The following RIT2 variants were observed in gnomAD, a reference collection of about 807,000 sequenced individuals.
RIT2 encodes the protein Ras like without CAAX 2.
Under a neutral mutation model 23.7 loss-of-function variants are expected in RIT2, and 24 were observed. That is an observed-to-expected ratio of 1.01 (90% CI 0.73 to 1.43). The LOEUF (loss-of-function observed/expected upper bound fraction) is 1.43. Among genes scored for constraint, RIT2 ranks in the 40% most tolerant of loss-of-function variants. The pLI is 0.00. For missense variants in RIT2, 236 were observed against 266.9 expected (o/e 0.88, Z 0.81); for synonymous variants, 107 against 91.1 (o/e 1.17, Z -0.99).
At chr18:42,827,049 A>AAAAC (rs147729058) in intron 4 of RIT2, among the ~76,000 whole-genome samples, 1 of 152,106 alleles carries the variant, frequency 6.6e-6, no homozygotes, top group Non-Finnish European at 1.5e-5. Context: ...TTCAATTCTT[A>AAAAC]AAACAAACAA....
At chr18:42,828,984 C>CA (rs1906382245) in intron 4 of RIT2, among the ~76,000 whole-genome samples, 1 of 152,124 alleles carries the variant, frequency 6.6e-6, no homozygotes, top group Non-Finnish European at 1.5e-5. Context: ...AGTTTGTGCC[C>CA]TTTTCTGGCA....
chr18:43,034,435 C>T (rs1911929876), intron 1 of RIT2, among the ~76,000 whole-genome samples: 1 of 151,912 alleles, frequency 6.6e-6, no homozygotes, highest in Non-Finnish European at 1.5e-5. Flanking sequence ...TTCTGTAATT[C>T]TGTACCCTCC....
At position 42,858,539 on chromosome 18, in the gene RIT2, T is replaced by C. The variant is rs77980274; in HGVS notation, c.426+65033A>G. Among the ~76,000 whole-genome samples, 669 of 152,344 alleles carry C rather than the reference T, an allele frequency of 4.4e-3. 12 individuals are homozygous for C. The highest frequency in any genetic ancestry group is 0.041 in the East Asian group (211 of 5,180). On this transcript the variant is annotated intron_variant, in intron 4 of 4. Transcript: ENST00000326695. ...CCCCATTAGAATTTTTTATAAAAGA[T>C]GTATTGGAATGTAATTAACATACCA...
chr18:43,034,926 C>A lies in RIT2; in HGVS notation c.104-1059G>T, dbSNP rs375346063. 2.4e-4 allele frequency among the ~76,000 whole-genome samples: 37 copies of A among 152,284 alleles called. No individual in the cohort carries two copies. In the East Asian group the frequency reaches 4.1e-3, roughly 17 times the overall value. On this transcript the variant is annotated intron_variant, in intron 1 of 4. Transcript: ENST00000326695. The stretch of plus-strand genomic sequence containing the variant: ...CCTCTCACCTTCCTCCTCCTCTGTG[C>A]CTTGCCTATACATCTCTGCATGTCC...
intron 4 of RIT2, among the ~76,000 whole-genome samples, chr18:42,796,928 A>T (rs1215321970): frequency 6.6e-6 from 1 of 152,218 alleles, no homozygotes; most frequent in Non-Finnish European, 1.5e-5. Context: ...GAAGTAATTC[A>T]CTTGGTAAAA....
chr18:42,902,343 C>T (rs539657), intron 4 of RIT2, among the ~76,000 whole-genome samples: 142,299 of 151,434 alleles, frequency 0.94, 66,875 homozygotes, highest in East Asian at 1. Context: ...TATTGGTATG[C>T]TGTAAAACCC....
chr18:42,928,410 C>T (rs972593220), intron 3 of RIT2, among the ~76,000 whole-genome samples: 1 of 151,954 alleles, frequency 6.6e-6, no homozygotes, highest in Non-Finnish European at 1.5e-5. Flanking sequence ...GTACAGAGCT[C>T]CTCAACTTTC....
chr18:42,918,826 T>C (rs781534679), intron 4 of RIT2, among the ~76,000 whole-genome samples: 15 of 151,800 alleles, frequency 9.9e-5, no homozygotes, highest in East Asian at 1.9e-4. Context: ...CCTCTCTAGA[T>C]TGATCCTTTT....
intron 4 of RIT2, among the ~76,000 whole-genome samples, chr18:42,774,271 C>T (rs1303198579): frequency 1.3e-5 from 2 of 152,040 alleles, no homozygotes; most frequent in African/African-American, 4.8e-5. Context: ...CTTTGCTTTG[C>T]ATTGCTTTTT....
chr18:42,981,492 T>C (rs1410258381), intron 2 of RIT2, among the ~76,000 whole-genome samples: 2 of 152,100 alleles, frequency 1.3e-5, no homozygotes, highest in Non-Finnish European at 2.9e-5. Flanking sequence ...TGATTTATAC[T>C]AAGACTGCTA....
At chr18:43,094,123 G>GTTTTTTT (rs376144367) in intron 1 of RIT2, among the ~76,000 whole-genome samples, 5 of 116,048 alleles carry the variant, frequency 4.3e-5, no homozygotes, top group South Asian at 2.7e-4. Context: ...GGTTTTTTTT[G>GTTTTTTT]TTTTTTTTTT....
chr18:43,049,553 G>T (rs1448123869), intron 1 of RIT2, among the ~76,000 whole-genome samples: 1 of 152,084 alleles, frequency 6.6e-6, no homozygotes, highest in Non-Finnish European at 1.5e-5. Flanking sequence ...AATTAAAAAG[G>T]TAATTACATC....
At chr18:42,909,300 A>G (rs551616484) in intron 4 of RIT2, among the ~76,000 whole-genome samples, 1 of 152,262 alleles carries the variant, frequency 6.6e-6, no homozygotes, top group South Asian at 2.1e-4. Flanking sequence ...GAGTGACGTA[A>G]TGGACTTTGA....
chr18:42,833,121 T>A (rs1906506468), intron 4 of RIT2, among the ~76,000 whole-genome samples: 1 of 148,784 alleles, frequency 6.7e-6, no homozygotes, highest in Admixed American at 6.8e-5. Context: ...CCTATTAACA[T>A]ACATTTATTC....
At chr18:43,024,062 T>G (rs181511474) in intron 2 of RIT2, among the ~76,000 whole-genome samples, 2 of 152,104 alleles carry the variant, frequency 1.3e-5, no homozygotes, top group African/African-American at 4.8e-5. Flanking sequence ...AAAAGTCAGA[T>G]GGTCAAGGTA....
At chr18:43,050,876 C>A (rs1912364521) in intron 1 of RIT2, among the ~76,000 whole-genome samples, 1 of 152,106 alleles carries the variant, frequency 6.6e-6, no homozygotes, top group Admixed American at 6.6e-5. Flanking sequence ...TTCCCCTATA[C>A]TTTGCCCTAC....
intron 3 of RIT2, among the ~76,000 whole-genome samples, chr18:42,942,055 T>C (rs1440771192): frequency 6.6e-6 from 1 of 152,080 alleles, no homozygotes; most frequent in Non-Finnish European, 1.5e-5. Context: ...CATTTATGTA[T>C]GACTCATCAA....
chr18:42,876,824 T>G (rs1907756266), intron 4 of RIT2, among the ~76,000 whole-genome samples: 1 of 151,916 alleles, frequency 6.6e-6, no homozygotes, highest in South Asian at 2.1e-4. Flanking sequence ...CATTTGATAT[T>G]TTGTGAAAAT....
At chr18:43,112,639 C>G (rs1024166030) in intron 1 of RIT2, among the ~76,000 whole-genome samples, 1 of 152,122 alleles carries the variant, frequency 6.6e-6, no homozygotes, top group Non-Finnish European at 1.5e-5. Flanking sequence ...CACAATGGCT[C>G]ATGCCTATAA....
Sources: allele counts gnomAD v4.1 joint callset (sites outside exome capture counted in the v4.1 genomes callset), GRCh38; gene constraint gnomAD v4.1.1; transcripts MANE v1.5; gene names NCBI Gene and HGNC (gene_info 2026-07-23, HGNC 2026-07-21).